PKDCC: variants seen among roughly 807,000 people sequenced by gnomAD.
PKDCC encodes the protein extracellular tyrosine-protein kinase PKDCC.
A neutral mutation model predicts 44.7 loss-of-function variants in PKDCC; 35 were observed. The observed-to-expected ratio is 0.78, with a 90% CI of 0.60 to 1.04. The LOEUF is 1.04. PKDCC is among the 50% of genes least tolerant of loss of function. The pLI is 0.00. For synonymous variants in PKDCC, 353 were observed against 303.3 expected (o/e 1.16, Z -1.70); for missense variants, 738 against 672.7 (o/e 1.10, Z -1.07).
At chr2:42,053,790 C>G (rs1036324689) in intron 2 of PKDCC, among the ~76,000 whole-genome samples, 1 of 152,166 alleles carries the variant, frequency 6.6e-6, no homozygotes, top group South Asian at 2.1e-4. Context: ...CCCAGACCCT[C>G]GCTGCTGCAG....
At position 42,054,278 on chromosome 2, in the gene PKDCC, C is replaced by T. The variant is rs140008026; in HGVS notation, c.1005C>T (p.Asn335=). The T allele has an allele frequency of 2.1e-5, 33 of 1,605,694 alleles. No homozygotes were observed. Among genetic ancestry groups the T allele is most frequent in the African/African-American group, 2.7e-5 (2 of 74,888 alleles). Reference sequence around the variant, plus strand: ...CCCAGGGCTGGTGCGAGGGCATGAACGAGAAGCGGAACCTCTATAATGCCT... The same window carrying T: ...CCCAGGGCTGGTGCGAGGGCATGAATGAGAAGCGGAACCTCTATAATGCCT... ...CSAQGWCEGM[N]EKRNLYNAYR... The change falls in exon 3 of 7, where the codon AAC becomes AAT. Residue 335 remains asparagine (N), a synonymous_variant. Coordinates refer to ENST00000294964, the MANE Select transcript of PKDCC (RefSeq NM_138370.3). The surrounding 1 kb of genome is among the most constrained non-coding windows in gnomAD (Gnocchi z 6.1).
At chr2:42,049,158 G>A (rs1445234663) in intron 1 of PKDCC, among the ~76,000 whole-genome samples, 1 of 152,172 alleles carries the variant, frequency 6.6e-6, no homozygotes, top group Non-Finnish European at 1.5e-5. Context: ...GGAGTTAGGA[G>A]GTTGAACACC....
In PKDCC at chr2:42,053,329, C is replaced by T. The variant is rs1668000927; in HGVS notation, c.730C>T (p.Leu244=). 6.2e-7 allele frequency: 1 copy of T among 1,613,842 alleles called. No individual in the cohort carries two copies. The highest frequency in any genetic ancestry group is 2.2e-5 in the East Asian group (1 of 44,864). The change falls in exon 2 of 7, where the codon CTG becomes TTG. Residue 244 remains leucine, a synonymous_variant. Coordinates refer to ENST00000294964, the MANE Select transcript of PKDCC (RefSeq NM_138370.3). ...GGGCGCCCCTGTAGAAATGATCCAG[C>T]TGCTGCAAACTTCCTGGGAGGATCG... ...ELGAPVEMIQ[L]LQTSWEDRFR...
rs1286667135 is a variant in PKDCC, at chr2:42,058,339, GGGCCGGGGC to G, written c.*652_*660del. The G allele has an allele frequency of 6.6e-6, 1 of 152,526 alleles. No individual in the cohort carries two copies. Among genetic ancestry groups the G allele is most frequent in the Non-Finnish European group, 1.5e-5 (1 of 67,996 alleles). The allele number at this position is 152,526 out of a possible 1,614,324, so 9.4% of individuals were successfully genotyped here. ...TGAGCCAGGACCTGGGGCGGGGGTG[GGGCCGGGGC>G]CTTTCTGCCTCATTTGCTTTCAATG... On this transcript the variant is annotated 3_prime_UTR_variant, in exon 7 of 7. Transcript: ENST00000294964. The surrounding 1 kb of genome is among the most constrained non-coding windows in gnomAD (Gnocchi z 4.2).
At chr2:42,056,221 G>A (rs547120896) in intron 5 of PKDCC, among the ~76,000 whole-genome samples, 1 of 152,126 alleles carries the variant, frequency 6.6e-6, no homozygotes, top group Non-Finnish European at 1.5e-5. Context: ...GAGGCCCAGG[G>A]CTTCTGCATT....
chr2:42,049,538 G>T (rs990289140), intron 1 of PKDCC, among the ~76,000 whole-genome samples: 6 of 152,348 alleles, frequency 3.9e-5, no homozygotes, highest in African/African-American at 1.2e-4. Context: ...TCAGTGGACA[G>T]ACTGGCGGCC....
chr2:42,055,733 T>G lies in PKDCC; in HGVS notation c.1222+340T>G. ...CTCATCTGTGAATTGGGTTCACTAT[T>G]ACCCACCTCACCAAATTCTTATGGG... On this transcript the variant is annotated intron_variant, in intron 5 of 6. Transcript: ENST00000294964. The surrounding 1 kb of genome is among the most constrained non-coding windows in gnomAD (Gnocchi z 4.5). 4.4e-6 allele frequency: 1 copy of G among 227,052 alleles called. No individual in the cohort carries two copies. 14.1% of individuals were successfully genotyped at this position (227,052 alleles called of 1,614,324 possible).
chr2:42,051,121 A>C lies in PKDCC; in HGVS notation c.640-2118A>C, dbSNP rs1667959096. Among the ~76,000 whole-genome samples the C allele has an allele frequency of 6.6e-6, 1 of 152,040 alleles. No individual in the cohort carries two copies. Among genetic ancestry groups the C allele is most frequent in the Non-Finnish European group, 1.5e-5 (1 of 67,990 alleles). ...GCCCAGAATTGGTGCTGTGGATTCT[A>C]ATAGAAAATGCCCAGGCTAGCAGGC... On this transcript the variant is annotated intron_variant, in intron 1 of 6. Transcript: ENST00000294964. The surrounding 1 kb of genome is among the most constrained non-coding windows in gnomAD (Gnocchi z 4.2).
Position 42,054,387 on chromosome 2 carries a change from A to C in PKDCC, c.1034+80A>C. 1 of 1,483,956 alleles carries C rather than the reference A, an allele frequency of 6.7e-7. No homozygotes were observed. Among genetic ancestry groups the C allele is most frequent in the Non-Finnish European group, 9.1e-7 (1 of 1,102,500 alleles). 91.9% of individuals were successfully genotyped at this position (1,483,956 alleles called of 1,614,324 possible). A position where few individuals can be genotyped will look rare whatever the true frequency, so the allele number is the denominator to read the frequency against. ...CATGGCAGGAAGAGAGCCAACGTGGAGGCCAGCTGGGCAGGGAGACTCAGC... is the reference window on the plus strand; with the variant it reads ...CATGGCAGGAAGAGAGCCAACGTGGCGGCCAGCTGGGCAGGGAGACTCAGC... On this transcript the variant is annotated intron_variant, in intron 3 of 6. Transcript: ENST00000294964. This position sits in a 1 kb window ranked among gnomAD's most constrained non-coding sequence, Gnocchi z 6.1.
Position 42,055,659 on chromosome 2 carries a change from T to G in PKDCC, c.1222+266T>G. The stretch of plus-strand genomic sequence containing the variant: ...CTCTGGATGGCTCCAAACCCTATCA[T>G]GTACTGGCTATATGACTTTGAGCAA... On this transcript the variant is annotated intron_variant, in intron 5 of 6. Transcript: ENST00000294964. The surrounding 1 kb of genome is among the most constrained non-coding windows in gnomAD (Gnocchi z 4.5). 1 of 433,662 alleles carries G rather than the reference T, an allele frequency of 2.3e-6. No homozygotes were observed. Among genetic ancestry groups the G allele is most frequent in the East Asian group, 4.0e-5 (1 of 24,828 alleles). The allele number at this position is 433,662 out of a possible 1,614,324, so 26.9% of individuals were successfully genotyped here.
intron 1 of PKDCC, among the ~76,000 whole-genome samples, chr2:42,050,425 C>T (rs1181567855): frequency 6.6e-6 from 1 of 152,170 alleles, no homozygotes; most frequent in Non-Finnish European, 1.5e-5. Flanking sequence ...AGACCCCTCT[C>T]CCTTCAGACG....
At chr2:42,050,959 AG>A (rs1368258932) in intron 1 of PKDCC, among the ~76,000 whole-genome samples, 1 of 152,192 alleles carries the variant, frequency 6.6e-6, no homozygotes, top group Non-Finnish European at 1.5e-5. Flanking sequence ...ACAGGGAACT[AG>A]AAATAATGCT....
intron 1 of PKDCC, among the ~76,000 whole-genome samples, chr2:42,050,593 G>C (rs1667948275): frequency 6.6e-6 from 1 of 152,078 alleles, no homozygotes; most frequent in African/African-American, 2.4e-5. Flanking sequence ...AATTCTGAAG[G>C]CACCAAAGAA....
chr2:42,053,933 C>A, intron 2 of PKDCC, 103 bp from the exon 3 acceptor site: 1 of 1,445,074 alleles, frequency 6.9e-7, no homozygotes, highest in East Asian at 2.3e-5. Flanking sequence ...AAGTGCCAAC[C>A]CCCACAAGCA....
Position 42,054,410 on chromosome 2 carries a change from A to G in PKDCC, c.1034+103A>G. The stretch of plus-strand genomic sequence containing the variant: ...GGAGGCCAGCTGGGCAGGGAGACTC[A>G]GCCTTGACCAGAGCAAGGGAAGGCT... On this transcript the variant is annotated intron_variant, in intron 3 of 6. Transcript: ENST00000294964. The surrounding 1 kb of genome is among the most constrained non-coding windows in gnomAD (Gnocchi z 6.1). The G allele has an allele frequency of 7.3e-7, 1 of 1,361,772 alleles. No homozygotes were observed. Among genetic ancestry groups the G allele is most frequent in the East Asian group, 2.5e-5 (1 of 39,806 alleles). 84.4% of individuals were successfully genotyped at this position (1,361,772 alleles called of 1,614,324 possible). A position where few individuals can be genotyped will look rare whatever the true frequency, so the allele number is the denominator to read the frequency against.
rs755673536 is a variant in PKDCC, at chr2:42,049,220, A to G, written c.639+382A>G. Among the ~76,000 whole-genome samples, 16 of 152,338 alleles carry G rather than the reference A, an allele frequency of 1.1e-4. No homozygotes were observed. In the Middle Eastern group the frequency reaches 0.017, roughly 162 times the overall value. ...CCCTAAGCCAAGACACTTGAGTCAG[A>G]ATTCCAACTGTGTGATAAAGTCCCC... On this transcript the variant is annotated intron_variant, in intron 1 of 6. Transcript: ENST00000294964.
intron 5 of PKDCC, among the ~76,000 whole-genome samples, chr2:42,056,624 CATGGTGGCTTACACCTGTA>C (rs1349738273): frequency 6.6e-6 from 1 of 152,026 alleles, no homozygotes; most frequent in African/African-American, 2.4e-5. Context: ...TTTGGTTGGG[CATGGTGGCTTACACCTGTA>C]ATCCCAGCAC....
rs1668024979 is a variant in PKDCC at position 42,054,736 on chromosome 2, C to T, written c.1035-205C>T. 4.8e-6 allele frequency: 3 copies of T among 624,286 alleles called. No homozygotes were observed. Among genetic ancestry groups the T allele is most frequent in the Admixed American group, 2.7e-5 (1 of 36,462 alleles). 38.7% of individuals were successfully genotyped at this position (624,286 alleles called of 1,614,324 possible). A position where few individuals can be genotyped will look rare whatever the true frequency, so the allele number is the denominator to read the frequency against. Reference sequence around the variant, plus strand: ...GGGTTGGGAAGCAGGCCCCTGGTTTCGGTTAGTATGAAGTTAGGTGTGGTG... The same window carrying T: ...GGGTTGGGAAGCAGGCCCCTGGTTTTGGTTAGTATGAAGTTAGGTGTGGTG... On this transcript the variant is annotated intron_variant, in intron 3 of 6. Transcript: ENST00000294964. This position sits in a 1 kb window ranked among gnomAD's most constrained non-coding sequence, Gnocchi z 6.1.
rs1667922484 is a variant in PKDCC at position 42,048,931 on chromosome 2, G to C, written c.639+93G>C. On this transcript the variant is annotated intron_variant, in intron 1 of 6. Transcript: ENST00000294964. The surrounding 1 kb of genome is among the most constrained non-coding windows in gnomAD (Gnocchi z 6.2). Reference sequence around the variant, plus strand: ...GGAAGAGAACCCCTTGATCTGGAGTGCCAGTGACTGCACCCAGGCTAAGCT... The same window carrying C: ...GGAAGAGAACCCCTTGATCTGGAGTCCCAGTGACTGCACCCAGGCTAAGCT... The C allele has an allele frequency of 7.5e-7, 1 of 1,338,216 alleles. No homozygotes were observed. The highest frequency in any genetic ancestry group is 3.1e-5 in the Admixed American group (1 of 32,144). The allele number at this position is 1,338,216 out of a possible 1,614,324, so 82.9% of individuals were successfully genotyped here. A position where few individuals can be genotyped will look rare whatever the true frequency, so the allele number is the denominator to read the frequency against.
Sources: allele counts gnomAD v4.1 joint callset (sites outside exome capture counted in the v4.1 genomes callset), GRCh38; gene constraint gnomAD v4.1.1; non-coding constraint Gnocchi (gnomAD v3.1); transcripts MANE v1.5; gene names NCBI Gene and HGNC (gene_info 2026-07-23, HGNC 2026-07-21).